Variants in ZNF266 observed in about 807,000 individuals in gnomAD.
ZNF266 encodes zinc finger protein 266, also known as zinc finger protein 1.
Under a neutral mutation model 16.4 loss-of-function variants are expected in ZNF266, and 16 were observed. The ratio of observed to expected loss-of-function variants is 0.98; its 90% CI spans 0.66 to 1.48. The LOEUF (loss-of-function observed/expected upper bound fraction) is 1.48, where lower values mean the gene tolerates loss of function less well. Ranked by LOEUF, ZNF266 falls within the 40% of genes most tolerant of loss-of-function variation. ZNF266 has a pLI of 0.00. For synonymous variants in ZNF266, 262 were observed against 237.9 expected (o/e 1.10, Z -0.93); for missense variants, 738 against 689.1 (o/e 1.07, Z -0.79).
intron 8 of ZNF266, 109 bp downstream of exon 8, chr19:9,418,396 G>A: frequency 8.2e-7 from 1 of 1,224,832 alleles, no homozygotes. Context: ...CAGGGACTAT[G>A]TCTGTTATTT....
At chr19:9,415,854 C>CAAGAA in intron 9 of ZNF266, 112 bp from the exon 10 acceptor site, 2 of 836,522 alleles carry the variant, frequency 2.4e-6, no homozygotes, top group Non-Finnish European at 3.7e-6. Flanking sequence ...GACGGTGTCT[C>CAAGAA]ACTCTGTTGC....
At chr19:9,415,526 C>A in intron 10 of ZNF266, 128 bp downstream of exon 10, 1 of 740,520 alleles carries the variant, frequency 1.4e-6, no homozygotes, top group South Asian at 1.7e-5. Flanking sequence ...GATCCTCCCA[C>A]TTCAGCCTCC....
At chr19:9,428,616 G>A (rs1432181944) in intron 5 of ZNF266, among the ~76,000 whole-genome samples, 1 of 151,598 alleles carries the variant, frequency 6.6e-6, no homozygotes, top group Non-Finnish European at 1.5e-5. Flanking sequence ...TCAGGCAGCT[G>A]TCTTAGCGCT....
rs748684697 is a variant in ZNF266 at position 9,414,202 on chromosome 19, C to A, written c.924G>T (p.Glu308Asp). The change falls in exon 11 of 11, where the codon GAG (glutamate) becomes GAT (aspartate). Residue 308 changes from glutamate to aspartate, a missense_variant. Coordinates refer to ENST00000592904, the MANE Select transcript of ZNF266 (RefSeq NM_001370374.1). ...MGTHTGDNPY[E>D]CKECGKAFTR... ...TGAAGGCTTTCCCACACTCCTTACA[C>A]TCATAGGGATTGTCTCCAGTGTGGG... 6.2e-7 allele frequency: 1 copy of A among 1,614,100 alleles called. No homozygotes were observed. Among genetic ancestry groups the A allele is most frequent in the South Asian group, 1.1e-5 (1 of 91,068 alleles).
chr19:9,418,564 G>T lies in ZNF266; in HGVS notation c.176C>A (p.Thr59Asn). The T allele has an allele frequency of 6.2e-7, 1 of 1,614,082 alleles. No homozygotes were observed. Among genetic ancestry groups the T allele is most frequent in the Admixed American group, 1.7e-5 (1 of 60,028 alleles). ...TPEEWTLLDP[T>N]QRNLYRDVML... ...CACATCTCTGTAGAGGTTTCTCTGA[G>T]TTGGGTCCAGTAAAGTCCATTCTTC... The change falls in exon 8 of 11, where the codon ACT becomes AAT. Residue 59 changes from threonine to asparagine, a missense_variant. Coordinates refer to ENST00000592904, the MANE Select transcript of ZNF266 (RefSeq NM_001370374.1).
chr19:9,415,464 G>A (rs73013846), intron 10 of ZNF266, among the ~76,000 whole-genome samples, 190 bp downstream of exon 10: 15 of 152,068 alleles, frequency 9.9e-5, no homozygotes, highest in South Asian at 6.2e-4. Context: ...AGTTTTTAGC[G>A]CCAAGATCTT....
Position 9,414,381 on chromosome 19 carries a change from T to C in ZNF266, c.745A>G (p.Ser249Gly). Reference sequence around the variant, plus strand: ...CCACATTCCTTCCATTCATGGAGACTTTCTCCATTGTGAGTTCTTAAATGT... The same window carrying C: ...CCACATTCCTTCCATTCATGGAGACCTTCTCCATTGTGAGTTCTTAAATGT... ...QGHLRTHNGE[S>G]LHEWKECGRG... Residue 249 changes from serine (S) to glycine (G), a missense_variant, in exon 11 of 11, where the codon AGT becomes GGT. Transcript: ENST00000592904. The C allele has an allele frequency of 6.2e-7, 1 of 1,614,226 alleles. No individual in the cohort carries two copies. Among genetic ancestry groups the C allele is most frequent in the Non-Finnish European group, 8.5e-7 (1 of 1,180,038 alleles).
chr19:9,432,954 T>C (rs181258331), intron 5 of ZNF266, among the ~76,000 whole-genome samples: 1 of 152,282 alleles, frequency 6.6e-6, no homozygotes, highest in Non-Finnish European at 1.5e-5. Context: ...TACAATAGTT[T>C]GTATTCATTC....
chr19:9,422,478 CTG>C (rs1206444115), intron 5 of ZNF266, among the ~76,000 whole-genome samples: 2 of 152,198 alleles, frequency 1.3e-5, no homozygotes, highest in South Asian at 2.1e-4. Context: ...GACAGGAATA[CTG>C]TCTCTTTCTA....
At chr19:9,431,903 A>G (rs926151313) in intron 5 of ZNF266, among the ~76,000 whole-genome samples, 5 of 152,148 alleles carry the variant, frequency 3.3e-5, no homozygotes, top group African/African-American at 4.8e-5. Context: ...ACAGAAGAAT[A>G]AGCAAAAATG....
In ZNF266 at chr19:9,413,213, T is replaced by TC; in HGVS notation, c.*61dup. On this transcript the variant is annotated 3_prime_UTR_variant, in exon 11 of 11. Transcript: ENST00000592904. ...CACATTTTTACATTCATAGGGTTTCTCCCCAGTGAGTTTTCATGTCTTCAG... is the reference window on the plus strand; with the variant it reads ...CACATTTTTACATTCATAGGGTTTCTCCCCCAGTGAGTTTTCATGTCTTCAG... The TC allele has an allele frequency of 6.6e-7, 1 of 1,520,424 alleles. No homozygotes were observed. Among genetic ancestry groups the TC allele is most frequent in the South Asian group, 1.4e-5 (1 of 74,002 alleles). 94.2% of individuals were successfully genotyped at this position (1,520,424 alleles called of 1,614,324 possible). A position where few individuals can be genotyped will look rare whatever the true frequency, so the allele number is the denominator to read the frequency against.
chr19:9,434,561 G>C (rs2072160789), intron 3 of ZNF266, among the ~76,000 whole-genome samples: 1 of 152,186 alleles, frequency 6.6e-6, no homozygotes, highest in South Asian at 2.1e-4. Flanking sequence ...GTGTCTGCTA[G>C]TTTTAAAGAG....
chr19:9,425,060 C>T (rs2123232044), intron 5 of ZNF266, among the ~76,000 whole-genome samples: 1 of 152,266 alleles, frequency 6.6e-6, no homozygotes, highest in African/African-American at 2.4e-5. Flanking sequence ...TGTTATACAG[C>T]CTGCTTGTTC....
intron 8 of ZNF266, 145 bp from the exon 9 acceptor site, chr19:9,418,053 C>A: frequency 1.2e-6 from 1 of 826,174 alleles, no homozygotes. Flanking sequence ...GTCTGTGCCC[C>A]CAAAAGATTG....
intron 5 of ZNF266, among the ~76,000 whole-genome samples, chr19:9,428,857 C>T (rs898256451): frequency 1.3e-5 from 2 of 152,076 alleles, no homozygotes; most frequent in Non-Finnish European, 2.9e-5. Flanking sequence ...GAGTTACAGA[C>T]ATTATTAGTA....
intron 9 of ZNF266, 21 bp downstream of exon 9, chr19:9,417,807 C>G (rs375593901): frequency 6.2e-7 from 1 of 1,605,298 alleles, no homozygotes; most frequent in Non-Finnish European, 8.5e-7. Flanking sequence ...TTGACCAGGG[C>G]GGTCCTTTGT....
intron 5 of ZNF266, among the ~76,000 whole-genome samples, chr19:9,424,220 C>CAAAAA (rs55740067): frequency 8.2e-6 from 1 of 121,626 alleles, no homozygotes; most frequent in Admixed American, 8.5e-5. Flanking sequence ...AACCAAGAGG[C>CAAAAA]AAAAAAAAAA....
rs58960485 is a variant in ZNF266, at chr19:9,435,156, C to CCA, written c.-522_-521dup. ...TACGGGAGATTGGGGGGATGAAGGACCAGTCAACCTGATTCGAACGACGAA... is the reference window on the plus strand; with the variant it reads ...TACGGGAGATTGGGGGGATGAAGGACCACAGTCAACCTGATTCGAACGACGAA... On this transcript the variant is annotated 5_prime_UTR_variant, in exon 2 of 11. Coordinates refer to ENST00000592904, the MANE Select transcript of ZNF266 (RefSeq NM_001370374.1). The CCA allele has an allele frequency of 0.51, 77,272 of 151,530 alleles. 20,070 individuals carry two copies. The highest frequency in any genetic ancestry group is 0.59 in the African/African-American group (24,156 of 41,258). 9.4% of individuals were successfully genotyped at this position (151,530 alleles called of 1,614,324 possible).
intron 5 of ZNF266, among the ~76,000 whole-genome samples, chr19:9,428,800 T>C (rs2071161980): frequency 6.6e-6 from 1 of 151,410 alleles, no homozygotes; most frequent in South Asian, 2.1e-4. Context: ...CTCCAAACAC[T>C]AAAGGCACAA....
Sources: gnomAD v4.1 joint callset for allele counts (sites outside exome capture counted in the v4.1 genomes callset) on GRCh38, gnomAD v4.1.1 for gene constraint, MANE v1.5 for transcripts, NCBI Gene and HGNC (gene_info 2026-07-23, HGNC 2026-07-21) for gene names.